Variants in CSMD1 observed in about 807,000 individuals in gnomAD.
The protein encoded by CSMD1 is CUB and Sushi multiple domains 1, also known as CUB and sushi domain-containing protein 1.
Under a neutral mutation model 417.5 loss-of-function variants are expected in CSMD1, and 213 were observed. The ratio of observed to expected loss-of-function variants is 0.51; its 90% CI spans 0.46 to 0.57. The LOEUF (loss-of-function observed/expected upper bound fraction) is 0.57. Ranked by LOEUF, CSMD1 falls within the 20% of genes least tolerant of loss-of-function variation. The pLI, the probability that CSMD1 is intolerant of heterozygous loss-of-function variation, is 0.00. For synonymous variants in CSMD1, 2,862 were observed against 1,736.8 expected, an observed-to-expected ratio of 1.65 and a Z score of -16.11; for missense variants, 6,923 against 4,529.7, an observed-to-expected ratio of 1.53 and a Z score of -15.17.
intron 1 of CSMD1, among the ~76,000 whole-genome samples, chr8:4,964,771 T>C (rs1482305177): frequency 5.3e-5 from 8 of 152,134 alleles, no homozygotes; most frequent in Admixed American, 5.2e-4. Flanking sequence ...CAAAAACTCA[T>C]TTTGTGAATG....
intron 1 of CSMD1, among the ~76,000 whole-genome samples, chr8:4,832,576 G>C (rs990187541): frequency 6.6e-6 from 1 of 152,176 alleles, no homozygotes. Flanking sequence ...TTGGTTGTCT[G>C]CTTGTGGTTA....
At position 3,260,534 on chromosome 8, in the gene CSMD1, A is replaced by T. The variant is rs149100028; in HGVS notation, c.4153+23610T>A. 4.6e-3 allele frequency among the ~76,000 whole-genome samples: 705 copies of T among 152,258 alleles called. 11 individuals are homozygous for T. The highest frequency in any genetic ancestry group is 0.016 in the African/African-American group (653 of 41,552). ...ATAAACATTCCTCATTTCATTTCTG[A>T]AAATGTCAGAGTGCTTCAATAACTA... On this transcript the variant is annotated intron_variant, in intron 26 of 69. Transcript: ENST00000635120.
intron 46 of CSMD1, among the ~76,000 whole-genome samples, chr8:3,101,454 G>A (rs912164554): frequency 2.6e-5 from 4 of 152,154 alleles, no homozygotes; most frequent in Admixed American, 6.5e-5. Context: ...ACGGAGTCTC[G>A]CTCTGACGCC....
At chr8:4,533,028 T>C (rs1475738218) in intron 2 of CSMD1, among the ~76,000 whole-genome samples, 1 of 152,176 alleles carries the variant, frequency 6.6e-6, no homozygotes, top group Non-Finnish European at 1.5e-5. Flanking sequence ...CTCCGGAGTT[T>C]CTCCTCCCTA....
chr8:4,218,260 G>T lies in CSMD1; in HGVS notation c.416-186161C>A, dbSNP rs1800804591. ...AGGGATGTAGCAATTTATCTGAATT[G>T]CGTGTGACAATAGCAATACATCCAA... On this transcript the variant is annotated intron_variant, in intron 3 of 69. Coordinates refer to ENST00000635120, the MANE Select transcript of CSMD1 (RefSeq NM_033225.6). 3.9e-5 allele frequency among the ~76,000 whole-genome samples: 6 copies of T among 152,196 alleles called. No homozygotes were observed. In the South Asian group the frequency reaches 1.2e-3, roughly 32 times the overall value.
intron 3 of CSMD1, among the ~76,000 whole-genome samples, chr8:4,268,631 C>T (rs1804373569): frequency 6.6e-6 from 1 of 152,012 alleles, no homozygotes; most frequent in African/African-American, 2.4e-5. Context: ...GTCAAGTTCA[C>T]AGAAAACCTA....
intron 5 of CSMD1, among the ~76,000 whole-genome samples, chr8:3,904,618 T>C (rs1428504158): frequency 6.6e-6 from 1 of 150,914 alleles, no homozygotes. Flanking sequence ...TTTTTCTCTT[T>C]CTTTCTTTCT....
intron 9 of CSMD1, among the ~76,000 whole-genome samples, chr8:3,581,311 G>C (rs922914495): frequency 2.0e-5 from 3 of 152,154 alleles, no homozygotes; most frequent in African/African-American, 7.2e-5. Flanking sequence ...AATCATAATG[G>C]TTGTTTTCAT....
intron 3 of CSMD1, among the ~76,000 whole-genome samples, chr8:4,152,681 C>G (rs77386816): frequency 0.012 from 1,768 of 151,834 alleles, 45 homozygotes; most frequent in African/African-American, 0.041. Flanking sequence ...CAGAGCGAGA[C>G]CTTGTCTCAA....
At chr8:4,924,886 C>A (rs932232705) in intron 1 of CSMD1, among the ~76,000 whole-genome samples, 7 of 152,126 alleles carry the variant, frequency 4.6e-5, no homozygotes, top group African/African-American at 1.7e-4. Context: ...CAGCACAAGA[C>A]AAAACTGGGA....
chr8:3,571,663 G>T (rs1391737673), intron 10 of CSMD1, among the ~76,000 whole-genome samples: 1 of 152,004 alleles, frequency 6.6e-6, no homozygotes, highest in Non-Finnish European at 1.5e-5. Flanking sequence ...CGCTCCCCGA[G>T]CTCGGGGGTC....
intron 1 of CSMD1, among the ~76,000 whole-genome samples, chr8:4,646,722 G>A (rs1585385989): frequency 1.3e-5 from 2 of 152,146 alleles, no homozygotes; most frequent in South Asian, 4.1e-4. Context: ...CACCTCCAAA[G>A]AGAAATTGAA....
chr8:4,557,061 T>G (rs1798127360), intron 2 of CSMD1, among the ~76,000 whole-genome samples: 1 of 152,222 alleles, frequency 6.6e-6, no homozygotes, highest in Non-Finnish European at 1.5e-5. Flanking sequence ...TAACAATCAC[T>G]TATGGGTCAT....
chr8:3,463,210 C>G (rs895160331), intron 12 of CSMD1, among the ~76,000 whole-genome samples: 7 of 152,216 alleles, frequency 4.6e-5, no homozygotes, highest in African/African-American at 2.4e-5. Context: ...TCTCCCTCCA[C>G]CCAACTCCAC....
At chr8:4,431,084 G>C (rs182093768) in intron 2 of CSMD1, among the ~76,000 whole-genome samples, 4 of 151,972 alleles carry the variant, frequency 2.6e-5, no homozygotes, top group Admixed American at 6.6e-5. Flanking sequence ...ATGATCATTA[G>C]TGTTAATATA....
intron 1 of CSMD1, among the ~76,000 whole-genome samples, chr8:4,736,741 A>C (rs1479333584): frequency 1.3e-5 from 2 of 152,234 alleles, no homozygotes; most frequent in African/African-American, 2.4e-5. Flanking sequence ...GGTATACTGC[A>C]AACTTTGGAA....
At chr8:3,160,846 C>T (rs1306730668) in intron 38 of CSMD1, among the ~76,000 whole-genome samples, 1 of 152,128 alleles carries the variant, frequency 6.6e-6, no homozygotes, top group Admixed American at 6.5e-5. Context: ...GGTAATGCAC[C>T]CCTTTAGCAT....
intron 7 of CSMD1, among the ~76,000 whole-genome samples, chr8:3,680,287 T>C (rs556136145): frequency 7.9e-5 from 12 of 152,124 alleles, no homozygotes; most frequent in Non-Finnish European, 1.8e-4. Context: ...GATAGACCAC[T>C]AGCAAGACTA....
At chr8:4,805,870 A>G (rs1453608524) in intron 1 of CSMD1, among the ~76,000 whole-genome samples, 1 of 152,184 alleles carries the variant, frequency 6.6e-6, no homozygotes, top group African/African-American at 2.4e-5. Flanking sequence ...GATATGCTAA[A>G]TTATTGTGAA....
Sources: allele counts gnomAD v4.1 joint callset (sites outside exome capture counted in the v4.1 genomes callset), GRCh38; gene constraint gnomAD v4.1.1; transcripts MANE v1.5; gene names NCBI Gene and HGNC (gene_info 2026-07-23, HGNC 2026-07-21).